The following DRD2 variants were observed in gnomAD, a reference collection of about 807,000 sequenced individuals.
DRD2 encodes dopamine receptor D2.
A neutral mutation model predicts 38.0 loss-of-function variants in DRD2; 8 were observed. The ratio of observed to expected loss-of-function variants is 0.21; its 90% CI spans 0.12 to 0.38. The LOEUF (loss-of-function observed/expected upper bound fraction) is 0.38. Among genes scored for constraint, DRD2 ranks in the 10% least tolerant of loss-of-function variants. DRD2 has a pLI of 1.00. For missense variants in DRD2, 403 were observed against 607.7 expected, an observed-to-expected ratio of 0.66 and a Z score of 3.54; for synonymous variants, 230 against 238.6, an observed-to-expected ratio of 0.96 and a Z score of 0.33.
chr11:113,415,354 T>A (rs1950815050), intron 5 of DRD2, 67 bp downstream of exon 5: 7 of 1,535,202 alleles, frequency 4.6e-6, no homozygotes, highest in Middle Eastern at 4.7e-4. Context: ...CACCTGAGCA[T>A]AAGATGAGCC....
At chr11:113,433,196 C>A (rs1374041229) in intron 1 of DRD2, among the ~76,000 whole-genome samples, 1 of 152,206 alleles carries the variant, frequency 6.6e-6, no homozygotes, top group Non-Finnish European at 1.5e-5. Flanking sequence ...ACCTCCTGGG[C>A]TCACTGGGAA....
Position 113,431,233 on chromosome 11 carries a change from T to C in DRD2, c.-31-6551A>G, listed in dbSNP as rs572410986. Among the ~76,000 whole-genome samples, 14 of 152,318 alleles carry C rather than the reference T, an allele frequency of 9.2e-5. 1 individual carries two copies. In the South Asian group the frequency reaches 1.7e-3, roughly 18 times the overall value. ...TTGACAGTGTTTCCTGGGTGGAGGA[T>C]GAACAATCTAATCCTGTAGCTGCCA... is the stretch of plus-strand genomic sequence containing the variant. On this transcript the variant is annotated intron_variant, in intron 1 of 7. Transcript: ENST00000362072.
intron 1 of DRD2, among the ~76,000 whole-genome samples, chr11:113,432,650 A>C (rs188865255): frequency 2.0e-5 from 3 of 152,206 alleles, no homozygotes; most frequent in South Asian, 2.1e-4. Context: ...TTGTATTTGC[A>C]TCTCAAAAGC....
Position 113,424,741 on chromosome 11 carries a change from G to A in DRD2, c.-31-59C>T, listed in dbSNP as rs1019677701. ...AGAGGGCCTCTTGCAGAGGTCTCCAGGAAGAAGACCAACTCCTGGCATTTA... is the reference window on the plus strand; with the variant it reads ...AGAGGGCCTCTTGCAGAGGTCTCCAAGAAGAAGACCAACTCCTGGCATTTA... On this transcript the variant is annotated intron_variant, in intron 1 of 7. Transcript: ENST00000362072. The A allele has an allele frequency of 3.3e-6, 5 of 1,505,506 alleles. No homozygotes were observed. The African/African-American group carries it at 4.1e-5, about 12-fold the overall frequency. The allele number at this position is 1,505,506 out of a possible 1,614,324, so 93.3% of individuals were successfully genotyped here.
chr11:113,463,305 T>G (rs1951339669), intron 1 of DRD2, among the ~76,000 whole-genome samples: 1 of 152,218 alleles, frequency 6.6e-6, no homozygotes, highest in Admixed American at 6.5e-5. Context: ...TTAATGTGGC[T>G]ACCTGCAGCC....
intron 1 of DRD2, among the ~76,000 whole-genome samples, chr11:113,440,873 G>A (rs1228199301): frequency 1.3e-5 from 2 of 152,190 alleles, no homozygotes; most frequent in Non-Finnish European, 2.9e-5. Context: ...TGGGGCTCCT[G>A]GGACACAGAT....
intron 3 of DRD2, 95 bp from the exon 4 acceptor site, chr11:113,417,094 C>T: frequency 1.3e-6 from 2 of 1,512,784 alleles, no homozygotes; most frequent in Non-Finnish European, 1.8e-6. Flanking sequence ...CTCCTTGGGG[C>T]TAAACAGTTG....
rs182649931 is a variant in DRD2 at position 113,465,491 on chromosome 11, A to G, written c.-32+9585T>C. Among the ~76,000 whole-genome samples, 21 of 152,216 alleles carry G rather than the reference A, an allele frequency of 1.4e-4. No homozygotes were observed. In the South Asian group the frequency reaches 2.7e-3, roughly 20 times the overall value. Reference sequence around the variant, plus strand: ...GAGTTGTCCCTGTGCTTAAAACCCAATCCTTCAAGTTGGCTTCTTTTTTCC... The same window carrying G: ...GAGTTGTCCCTGTGCTTAAAACCCAGTCCTTCAAGTTGGCTTCTTTTTTCC... On this transcript the variant is annotated intron_variant, in intron 1 of 7. Transcript: ENST00000362072.
chr11:113,447,127 T>A (rs1591293982), intron 1 of DRD2, among the ~76,000 whole-genome samples: 1 of 152,126 alleles, frequency 6.6e-6, no homozygotes. Flanking sequence ...ACCTGCCCAC[T>A]TCTGCTCCAG....
chr11:113,470,269 G>A (rs1487151634), intron 1 of DRD2, among the ~76,000 whole-genome samples: 1 of 152,216 alleles, frequency 6.6e-6, no homozygotes, highest in Non-Finnish European at 1.5e-5. Flanking sequence ...GAGAAGGGCA[G>A]GCACGTTCTG....
chr11:113,420,979 C>A (rs1426625263), intron 2 of DRD2, among the ~76,000 whole-genome samples: 1 of 152,086 alleles, frequency 6.6e-6, no homozygotes, highest in African/African-American at 2.4e-5. Context: ...TCAGCTAAGT[C>A]CTAATAACTG....
At position 113,475,139 on chromosome 11, in the gene DRD2, C is replaced by T. The variant is rs1951468927; in HGVS notation, c.-95G>A. 1 of 151,438 alleles carries T rather than the reference C, an allele frequency of 6.6e-6. No individual in the cohort carries two copies. Among genetic ancestry groups the T allele is most frequent in the African/African-American group, 2.4e-5 (1 of 41,398 alleles). The allele number at this position is 151,438 out of a possible 1,614,324, so 9.4% of individuals were successfully genotyped here. On this transcript the variant is annotated 5_prime_UTR_variant, in exon 1 of 8. Transcript: ENST00000362072. ...GGCTGCTTGAGGCTTCCAGCTCCCG[C>T]CGCATCCACGCGCGGCCGCCCCTCC...
chr11:113,412,923 GTT>G, intron 6 of DRD2, 40 bp from the exon 7 acceptor site: 2 of 1,584,470 alleles, frequency 1.3e-6, no homozygotes, highest in Non-Finnish European at 1.7e-6. Flanking sequence ...AGCCGGACAA[GTT>G]CCCAGGCATC....
Position 113,414,425 on chromosome 11 carries a change from T to C in DRD2, c.760A>G (p.Thr254Ala), listed in dbSNP as rs997170887. Residue 254 changes from threonine to alanine, a missense_variant, in exon 6 of 8, where the codon ACC becomes GCC. Coordinates refer to ENST00000362072, the MANE Select transcript of DRD2 (RefSeq NM_000795.4). ...CTCCCATTAGACTTCATGATAACGGTGCAGAGTTTCATGTCCTCGGGGTGA... is the reference window on the plus strand; with the variant it reads ...CTCCCATTAGACTTCATGATAACGGCGCAGAGTTTCATGTCCTCGGGGTGA... ...CTHPEDMKLC[T>A]VIMKSNGSFP... The C allele has an allele frequency of 6.8e-6, 11 of 1,614,024 alleles. No homozygotes were observed. In the African/African-American group the frequency reaches 1.5e-4, roughly 22 times the overall value.
chr11:113,436,637 T>C (rs1015192894), intron 1 of DRD2, among the ~76,000 whole-genome samples: 19 of 152,198 alleles, frequency 1.2e-4, no homozygotes, highest in Non-Finnish European at 2.9e-5. Context: ...GAAGCATAGA[T>C]GGAAGAAAAT....
intron 1 of DRD2, among the ~76,000 whole-genome samples, chr11:113,426,996 C>T (rs767769795): frequency 1.1e-4 from 17 of 152,310 alleles, no homozygotes; most frequent in Middle Eastern, 3.4e-3. Context: ...GGGCCTGAGG[C>T]GTGTGAGGCA....
intron 1 of DRD2, among the ~76,000 whole-genome samples, chr11:113,432,284 CTCTT>C (rs1413716827): frequency 5.9e-4 from 42 of 70,602 alleles, no homozygotes; most frequent in African/African-American, 1.9e-3. Context: ...CTCTGATCCT[CTCTT>C]TCTCTCTCTC....
intron 1 of DRD2, among the ~76,000 whole-genome samples, chr11:113,434,785 C>G (rs907469089): frequency 4.6e-5 from 7 of 151,870 alleles, no homozygotes; most frequent in Admixed American, 6.6e-5. Flanking sequence ...CATCCCCCCC[C>G]ATCAGCACCA....
In DRD2 at chr11:113,410,473, A is replaced by G. The variant is rs1591270694; in HGVS notation, c.*254T>C. ...AGGGGGACTGGAGGTGGGAGGGGGG[A>G]CTCTATGAGCTGCCCCTGAGCTGGG... On this transcript the variant is annotated 3_prime_UTR_variant, in exon 8 of 8. Coordinates refer to ENST00000362072, the MANE Select transcript of DRD2 (RefSeq NM_000795.4). 1.7e-6 allele frequency: 1 copy of G among 572,772 alleles called. No homozygotes were observed. The highest frequency in any genetic ancestry group is 3.1e-6 in the Non-Finnish European group (1 of 318,384). The allele number at this position is 572,772 out of a possible 1,614,324, so 35.5% of individuals were successfully genotyped here. A position where few individuals can be genotyped will look rare whatever the true frequency, so the allele number is the denominator to read the frequency against.
Sources: gnomAD v4.1 joint callset for allele counts (sites outside exome capture counted in the v4.1 genomes callset) on GRCh38, gnomAD v4.1.1 for gene constraint, MANE v1.5 for transcripts, NCBI Gene and HGNC (gene_info 2026-07-23, HGNC 2026-07-21) for gene names.